Variants in ANAPC1 observed in about 807,000 individuals in gnomAD.
The protein encoded by ANAPC1 is anaphase-promoting complex subunit 1.
ANAPC1 carries 36 observed loss-of-function variants against 208.0 expected under a neutral mutation model. The observed-to-expected ratio is 0.17, with a 90% CI of 0.13 to 0.23. The LOEUF is 0.23. Ranked by LOEUF, ANAPC1 falls within the 10% of genes least tolerant of loss-of-function variation. ANAPC1 has a pLI of 1.00. For synonymous variants in ANAPC1, 378 were observed against 695.2 expected (o/e 0.54, Z 7.18); for missense variants, 942 against 2,011.6 (o/e 0.47, Z 10.17).
At chr2:111,863,260 G>A (rs1334504535) in intron 9 of ANAPC1, among the ~76,000 whole-genome samples, 16 of 151,856 alleles carry the variant, frequency 1.1e-4, no homozygotes, top group East Asian at 1.9e-4. Flanking sequence ...TGTAATCCCC[G>A]CACTTTGGGA....
At chr2:111,866,961 T>C (rs1290384263) in intron 7 of ANAPC1, among the ~76,000 whole-genome samples, 1 of 152,198 alleles carries the variant, frequency 6.6e-6, no homozygotes, top group Non-Finnish European at 1.5e-5. Context: ...CTCTATCACA[T>C]AATCTTTGTT....
At chr2:111,878,415 T>C (rs1683125689) in intron 3 of ANAPC1, among the ~76,000 whole-genome samples, 1 of 152,182 alleles carries the variant, frequency 6.6e-6, no homozygotes, top group African/African-American at 2.4e-5. Flanking sequence ...GCAAAGCAGA[T>C]TTTTTCCTTT....
In ANAPC1 at chr2:111,872,665, G is replaced by A. The variant is rs764705029; in HGVS notation, c.576C>T (p.Ser192=). Residue 192 remains serine, a synonymous_variant, in exon 6 of 48, where the codon AGC becomes AGT. Transcript: ENST00000341068. ...PTKYGLLFER[S]ASSHEVPPGS... is the part of the protein sequence containing the mutation. Reference sequence around the variant, plus strand: ...CTGGAGGTACTTCATGTGAAGAAGCGCTTCGTTCAAACAGCAATCCATATT... The same window carrying A: ...CTGGAGGTACTTCATGTGAAGAAGCACTTCGTTCAAACAGCAATCCATATT... 100 of 1,613,444 alleles carry A rather than the reference G, an allele frequency of 6.2e-5. No individual in the cohort carries two copies. The highest frequency in any genetic ancestry group is 7.8e-5 in the Non-Finnish European group (92 of 1,179,638).
intron 47 of ANAPC1, 121 bp from the exon 48 acceptor site, chr2:111,769,527 A>C: frequency 1.6e-6 from 1 of 609,580 alleles, no homozygotes; most frequent in South Asian, 2.0e-5. Flanking sequence ...TTTGAAAATG[A>C]CTATGCAAAG....
rs947809130 is a variant in ANAPC1 at position 111,879,637 on chromosome 2, G to A, written c.214-666C>T. Among the ~76,000 whole-genome samples the A allele has an allele frequency of 4.3e-4, 65 of 152,254 alleles. 1 individual carries two copies. Among genetic ancestry groups the A allele is most frequent in the African/African-American group, 8.9e-4 (37 of 41,566 alleles). The stretch of plus-strand genomic sequence containing the variant: ...TGTAATCCCAGCACTTTGGGAAGCC[G>A]TGGCAGGTGGATCACCTGAGGTCTG... On this transcript the variant is annotated intron_variant, in intron 2 of 47. Transcript: ENST00000341068.
chr2:111,867,474 T>C (rs929848316), intron 7 of ANAPC1, among the ~76,000 whole-genome samples: 7 of 151,988 alleles, frequency 4.6e-5, no homozygotes, highest in African/African-American at 1.7e-4. Context: ...GTGGATCACC[T>C]GAAGTCAGGA....
intron 46 of ANAPC1, among the ~76,000 whole-genome samples, chr2:111,775,410 C>T (rs76210128): frequency 0.18 from 27,221 of 152,064 alleles, 2,751 homozygotes; most frequent in Middle Eastern, 0.29. Context: ...GTGATTTTTA[C>T]ACACAAATAT....
At position 111,825,820 on chromosome 2, in the gene ANAPC1, C is replaced by T. The variant is rs1285168439; in HGVS notation, c.2661G>A (p.Leu887=). The change falls in exon 22 of 48, where the codon TTG becomes TTA. Residue 887 remains leucine, a synonymous_variant. Coordinates refer to ENST00000341068, the MANE Select transcript of ANAPC1 (RefSeq NM_022662.4). ...IALYILGDES[L]VSDESSQYLT... ...AATACTGTGAGGATTCATCAGAAAC[C>T]AAGCTCTCATCACCAAGTATGTACA... is the stretch of plus-strand genomic sequence containing the variant. The T allele has an allele frequency of 3.1e-6, 5 of 1,613,702 alleles. No individual in the cohort carries two copies. The South Asian group carries it at 4.4e-5, about 14-fold the overall frequency.
At position 111,834,497 on chromosome 2, in the gene ANAPC1, A is replaced by C. The variant is rs555181045; in HGVS notation, c.2384+107T>G. 2.5e-5 allele frequency: 29 copies of C among 1,178,286 alleles called. 2 individuals are homozygous for C. Among genetic ancestry groups the C allele is most frequent in the Non-Finnish European group, 2.9e-5 (26 of 901,966 alleles). The allele number at this position is 1,178,286 out of a possible 1,614,324, so 73.0% of individuals were successfully genotyped here. A position where few individuals can be genotyped will look rare whatever the true frequency, so the allele number is the denominator to read the frequency against. Reference sequence around the variant, plus strand: ...ATGCCCTAGTTTTCTGAGAAGGTAGATTTCAGAAACTTATTTACAAGGTCC... The same window carrying C: ...ATGCCCTAGTTTTCTGAGAAGGTAGCTTTCAGAAACTTATTTACAAGGTCC... On this transcript the variant is annotated intron_variant, in intron 19 of 47. Coordinates refer to ENST00000341068, the MANE Select transcript of ANAPC1 (RefSeq NM_022662.4).
chr2:111,872,913 G>T (rs1484619108), intron 5 of ANAPC1: 5 of 558,882 alleles, frequency 8.9e-6, no homozygotes, highest in Non-Finnish European at 1.6e-5. Context: ...ATAAAGAGGA[G>T]TTGTTCAATG....
rs1683324386 is a variant in ANAPC1 at position 111,882,022 on chromosome 2, A to G, written c.-24-1173T>C. Among the ~76,000 whole-genome samples the G allele has an allele frequency of 3.9e-5, 6 of 152,200 alleles. No individual in the cohort carries two copies. The South Asian group carries it at 1.2e-3, about 32-fold the overall frequency. On this transcript the variant is annotated intron_variant, in intron 1 of 47. Coordinates refer to ENST00000341068, the MANE Select transcript of ANAPC1 (RefSeq NM_022662.4). ...ACATGGTGAAACTCCATCTCTACTA[A>G]AAATACAAAAAATTAGCTGGACTTG... is the stretch of plus-strand genomic sequence containing the variant.
chr2:111,800,085 T>C (rs1198926124), intron 34 of ANAPC1, among the ~76,000 whole-genome samples: 3 of 89,392 alleles, frequency 3.4e-5, no homozygotes, highest in African/African-American at 8.1e-5. Flanking sequence ...GGAACTAACA[T>C]TGAAATTCAT....
intron 47 of ANAPC1, among the ~76,000 whole-genome samples, chr2:111,770,201 T>TTTTA (rs1676656700): frequency 2.5e-5 from 2 of 81,550 alleles, no homozygotes; most frequent in South Asian, 4.6e-4. Context: ...TTGTTTAATT[T>TTTTA]TATATATATA....
chr2:111,877,981 T>C (rs1027256477), intron 3 of ANAPC1, among the ~76,000 whole-genome samples: 4 of 152,206 alleles, frequency 2.6e-5, no homozygotes, highest in African/African-American at 4.8e-5. Flanking sequence ...TTCTGTATTA[T>C]AGCTAGAAGC....
In ANAPC1 at chr2:111,817,661, C is replaced by T. The variant is rs560014824; in HGVS notation, c.3325+1179G>A. Among the ~76,000 whole-genome samples the T allele has an allele frequency of 9.3e-5, 14 of 151,050 alleles. No homozygotes were observed. In the South Asian group the frequency reaches 2.5e-3, roughly 27 times the overall value. ...AAGCTTTTCACAAATCTGAGTGGAA[C>T]TCTGGATTTTTTAAAGTATGCAATT... On this transcript the variant is annotated intron_variant, in intron 27 of 47. Transcript: ENST00000341068.
chr2:111,767,503 C>T (rs1236615163), downstream of ANAPC1: 7 of 158,238 alleles, frequency 4.4e-5, no homozygotes, highest in African/African-American at 7.2e-5. Flanking sequence ...GCTAATCAGA[C>T]GGCCTAAAAA....
At chr2:111,820,109 A>G (rs2685958) in intron 26 of ANAPC1, among the ~76,000 whole-genome samples, 1 of 152,264 alleles carries the variant, frequency 6.6e-6, no homozygotes, top group African/African-American at 2.4e-5. Flanking sequence ...AGCACTGCCA[A>G]TTAAACTATG....
chr2:111,871,069 T>C (rs1682721852), intron 6 of ANAPC1, among the ~76,000 whole-genome samples: 1 of 152,228 alleles, frequency 6.6e-6, no homozygotes, highest in Non-Finnish European at 1.5e-5. Flanking sequence ...CCTACTTTTA[T>C]ACCAGTACCA....
At chr2:111,852,794 T>G (rs548491982) in intron 13 of ANAPC1, among the ~76,000 whole-genome samples, 1 of 150,538 alleles carries the variant, frequency 6.6e-6, no homozygotes, top group East Asian at 1.9e-4. Context: ...ATGTGGCCCA[T>G]AGAGGCTAAG....
Sources: allele counts gnomAD v4.1 joint callset (sites outside exome capture counted in the v4.1 genomes callset), GRCh38; gene constraint gnomAD v4.1.1; transcripts MANE v1.5; gene names NCBI Gene and HGNC (gene_info 2026-07-23, HGNC 2026-07-21).